TNFSF4: variants seen among roughly 807,000 people sequenced by gnomAD.
TNFSF4 encodes TNF superfamily member 4.
Under a neutral mutation model 7.3 loss-of-function variants are expected in TNFSF4, and 4 were observed. The ratio of observed to expected loss-of-function variants is 0.55; its 90% CI spans 0.27 to 1.25. The LOEUF (loss-of-function observed/expected upper bound fraction) is 1.25. Ranked by LOEUF, TNFSF4 falls within the 50% of genes most tolerant of loss-of-function variation. TNFSF4 has a pLI of 0.12. For missense variants in TNFSF4, 181 were observed against 208.8 expected (o/e 0.87, Z 0.82); for synonymous variants, 76 against 83.7 (o/e 0.91, Z 0.50).
At chr1:173,357,471 A>G in the TNFSF4 span, among the ~76,000 whole-genome samples, 1 of 152,084 alleles carries the variant, frequency 6.6e-6, no homozygotes, top group African/African-American at 2.4e-5. Context: ...AATTTAAATG[A>G]TTTGTCCAAG....
chr1:173,282,537 C>A, the TNFSF4 span, among the ~76,000 whole-genome samples: 1 of 151,960 alleles, frequency 6.6e-6, no homozygotes, highest in Admixed American at 6.6e-5. Flanking sequence ...CAGCTCACTG[C>A]AACCTCCACC....
At chr1:173,248,553 G>A in the TNFSF4 span, among the ~76,000 whole-genome samples, 4 of 151,958 alleles carry the variant, frequency 2.6e-5, no homozygotes, top group Admixed American at 2.0e-4. Context: ...AAAATTTCAC[G>A]AAAGAAAGAA....
At chr1:173,201,792 C>T (rs78412496) in intron 1 of TNFSF4, among the ~76,000 whole-genome samples, 261 of 152,134 alleles carry the variant, frequency 1.7e-3, no homozygotes, top group Non-Finnish European at 3.0e-3. Flanking sequence ...TGATTACAAA[C>T]GAAATATACA....
At chr1:173,250,534 A>C in the TNFSF4 span, among the ~76,000 whole-genome samples, 3 of 149,216 alleles carry the variant, frequency 2.0e-5, no homozygotes, top group East Asian at 5.9e-4. Flanking sequence ...ATCTTGGCTC[A>C]CTGCAAGCTC....
the TNFSF4 span, among the ~76,000 whole-genome samples, chr1:173,222,653 T>C: frequency 9.2e-5 from 14 of 152,328 alleles, no homozygotes; most frequent in African/African-American, 3.4e-4. Context: ...GTCTCTCCTC[T>C]GTCACAGTAC....
the TNFSF4 span, among the ~76,000 whole-genome samples, chr1:173,286,459 G>A: frequency 1.3e-5 from 2 of 152,158 alleles, no homozygotes; most frequent in Admixed American, 1.3e-4. Flanking sequence ...CACATATACA[G>A]TCACCTGATT....
At chr1:173,205,913 T>C (rs1650167133) in intron 1 of TNFSF4, among the ~76,000 whole-genome samples, 1 of 152,224 alleles carries the variant, frequency 6.6e-6, no homozygotes, top group African/African-American at 2.4e-5. Flanking sequence ...CTTCTGGAAT[T>C]TGGAGACACA....
At chr1:173,262,492 G>A in the TNFSF4 span, among the ~76,000 whole-genome samples, 5 of 151,862 alleles carry the variant, frequency 3.3e-5, no homozygotes, top group South Asian at 2.1e-4. Flanking sequence ...GCAATCAGGC[G>A]AGAGAAAGAA....
At chr1:173,267,723 T>A in the TNFSF4 span, among the ~76,000 whole-genome samples, 7 of 152,098 alleles carry the variant, frequency 4.6e-5, no homozygotes, top group African/African-American at 1.4e-4. Context: ...GCTGGAGGAT[T>A]TGCTTCCAGG....
chr1:173,402,712 G>A, the TNFSF4 span, among the ~76,000 whole-genome samples: 1 of 152,216 alleles, frequency 6.6e-6, no homozygotes, highest in African/African-American at 2.4e-5. Flanking sequence ...GGCAGAGAAG[G>A]GTGAGTTTGG....
At chr1:173,382,712 C>T in the TNFSF4 span, among the ~76,000 whole-genome samples, 1 of 152,154 alleles carries the variant, frequency 6.6e-6, no homozygotes, top group Non-Finnish European at 1.5e-5. Flanking sequence ...CAGTGATCAG[C>T]ATTTCCTAAA....
the TNFSF4 span, among the ~76,000 whole-genome samples, chr1:173,443,131 C>T: frequency 6.6e-6 from 1 of 152,066 alleles, no homozygotes; most frequent in East Asian, 1.9e-4. Context: ...GGGGCAGTAC[C>T]GCTGGCCATG....
the TNFSF4 span, among the ~76,000 whole-genome samples, chr1:173,379,292 A>G: frequency 3.3e-4 from 50 of 151,926 alleles, no homozygotes; most frequent in Non-Finnish European, 4.7e-4. Flanking sequence ...TGGAGTCTTA[A>G]ACATCTGCTG....
chr1:173,385,310 C>T, the TNFSF4 span, among the ~76,000 whole-genome samples: 3 of 152,094 alleles, frequency 2.0e-5, no homozygotes, highest in Non-Finnish European at 2.9e-5. Flanking sequence ...GCAAATACTG[C>T]CTTCTAGGAA....
At chr1:173,215,758 C>A in the TNFSF4 span, among the ~76,000 whole-genome samples, 15,947 of 152,164 alleles carry the variant, frequency 0.1, 1,967 homozygotes, top group African/African-American at 0.3. Flanking sequence ...AGACACTGAA[C>A]CCCAGTAAGC....
chr1:173,321,367 TAAAAACCC>T, the TNFSF4 span, among the ~76,000 whole-genome samples: 5 of 152,134 alleles, frequency 3.3e-5, no homozygotes, highest in Non-Finnish European at 5.9e-5. Flanking sequence ...CCCAAAACCC[TAAAAACCC>T]TAGAAGAAAA....
the TNFSF4 span, among the ~76,000 whole-genome samples, chr1:173,289,008 C>T: frequency 6.6e-6 from 1 of 152,032 alleles, no homozygotes; most frequent in Non-Finnish European, 1.5e-5. Flanking sequence ...AATTTCCAGA[C>T]TACAGTGCAG....
the TNFSF4 span, among the ~76,000 whole-genome samples, chr1:173,418,793 T>C: frequency 6.6e-6 from 1 of 152,276 alleles, no homozygotes; most frequent in Non-Finnish European, 1.5e-5. Flanking sequence ...TGGCGAGCCT[T>C]ACATGTAAAC....
At chr1:173,362,976 T>A in the TNFSF4 span, 16 of 364,676 alleles carry the variant, frequency 4.4e-5, no homozygotes, top group Admixed American at 9.7e-5. Context: ...TGACTTTTTT[T>A]AAAATTCTTC....
Sources: gnomAD v4.1 joint callset for allele counts (sites outside exome capture counted in the v4.1 genomes callset) on GRCh38, gnomAD v4.1.1 for gene constraint, MANE v1.5 for transcripts, NCBI Gene and HGNC (gene_info 2026-07-23, HGNC 2026-07-21) for gene names.